ACOXL: variants seen among roughly 807,000 people sequenced by gnomAD.
ACOXL encodes acyl-CoA oxidase like.
Under a neutral mutation model 71.9 loss-of-function variants are expected in ACOXL, and 70 were observed. That is an observed-to-expected ratio of 0.97 (90% CI 0.80 to 1.19). ACOXL has a LOEUF of 1.19. ACOXL is among the 50% of genes most tolerant of loss of function. The probability of loss-of-function intolerance (pLI) is 0.00; values close to 1 mark genes in which losing one functional copy is unlikely to be tolerated. For missense variants in ACOXL, 703 were observed against 736.3 expected (o/e 0.95, Z 0.52); for synonymous variants, 253 against 281.6 (o/e 0.90, Z 1.02).
chr2:110,768,317 C>A, intron 1 of ACOXL, 51 bp from the exon 2 acceptor site: 1 of 1,487,226 alleles, frequency 6.7e-7, no homozygotes, highest in African/African-American at 1.4e-5. Flanking sequence ...TCCACAGCCT[C>A]CCCTCAGTCA....
rs547753104 is a variant in ACOXL, at chr2:110,983,368, A to C, written c.1060-3740A>C. Among the ~76,000 whole-genome samples, 3 of 152,368 alleles carry C rather than the reference A, an allele frequency of 2.0e-5. No homozygotes were observed. In the East Asian group the frequency reaches 5.8e-4, roughly 29 times the overall value. On this transcript the variant is annotated intron_variant, in intron 12 of 17. Transcript: ENST00000439055. ...TGTATATGATATTTATTGCAAATGC[A>C]TGTTGATGATGTCATCATTCTGCAC...
intron 16 of ACOXL, among the ~76,000 whole-genome samples, chr2:111,092,480 TGTA>T (rs2068580238): frequency 6.6e-6 from 1 of 152,240 alleles, no homozygotes; most frequent in Non-Finnish European, 1.5e-5. Context: ...TTATTCAGGA[TGTA>T]CCTTTACAGT....
chr2:110,960,667 T>G (rs1481662345), intron 12 of ACOXL, among the ~76,000 whole-genome samples: 1 of 27,802 alleles, frequency 3.6e-5, no homozygotes. Context: ...TTCTTTTGGG[T>G]TTTTTTTTTT....
intron 9 of ACOXL, among the ~76,000 whole-genome samples, chr2:110,815,959 T>G (rs1687857213): frequency 6.6e-6 from 1 of 152,022 alleles, no homozygotes; most frequent in Admixed American, 6.6e-5. Flanking sequence ...AAGCACTCAG[T>G]GAATGGACAG....
chr2:111,022,453 G>A (rs960195852), intron 14 of ACOXL, among the ~76,000 whole-genome samples: 2 of 141,884 alleles, frequency 1.4e-5, no homozygotes, highest in African/African-American at 3.0e-5. Context: ...ACACACAAAG[G>A]CACACACAAG....
intron 12 of ACOXL, among the ~76,000 whole-genome samples, chr2:110,965,593 C>T (rs755274813): frequency 9.2e-5 from 14 of 152,118 alleles, no homozygotes; most frequent in Admixed American, 1.3e-4. Flanking sequence ...GGAAATTTTT[C>T]GCTGGGCACT....
intron 13 of ACOXL, among the ~76,000 whole-genome samples, chr2:110,988,195 T>G (rs745480340): frequency 4.6e-5 from 7 of 152,234 alleles, no homozygotes; most frequent in Non-Finnish European, 1.0e-4. Flanking sequence ...CCTAGCACTT[T>G]GGGAGGCCAG....
intron 10 of ACOXL, 64 bp from the exon 11 acceptor site, chr2:110,908,725 T>C (rs775970659): frequency 8.0e-5 from 104 of 1,304,748 alleles, no homozygotes; most frequent in Non-Finnish European, 1.1e-4. Flanking sequence ...TTTTTAGCTC[T>C]GGAAATGAAG....
chr2:111,032,302 G>A (rs1041988383), intron 15 of ACOXL, among the ~76,000 whole-genome samples: 2 of 152,172 alleles, frequency 1.3e-5, no homozygotes, highest in Non-Finnish European at 2.9e-5. Context: ...CGCAGTGGGT[G>A]GAGGCCAGGG....
chr2:111,074,413 T>C (rs1558940572), intron 16 of ACOXL, among the ~76,000 whole-genome samples: 2 of 152,122 alleles, frequency 1.3e-5, no homozygotes, highest in African/African-American at 4.8e-5. Context: ...TGTGTATGTG[T>C]GTTTTTCTCT....
intron 14 of ACOXL, among the ~76,000 whole-genome samples, chr2:111,007,283 A>G (rs1296627211): frequency 6.6e-6 from 1 of 152,200 alleles, no homozygotes. Flanking sequence ...TTCACCTATT[A>G]TTTTTAGTAT....
chr2:110,825,353 C>G (rs888499583), intron 9 of ACOXL, among the ~76,000 whole-genome samples: 1 of 152,014 alleles, frequency 6.6e-6, no homozygotes, highest in African/African-American at 2.4e-5. Flanking sequence ...GGAAAGCTAC[C>G]CTGTGCCACT....
intron 14 of ACOXL, among the ~76,000 whole-genome samples, chr2:111,027,297 C>T (rs7599682): frequency 0.2 from 30,418 of 151,146 alleles, 3,905 homozygotes; most frequent in Non-Finnish European, 0.28. Flanking sequence ...GCAAAATTTA[C>T]TATTCTGTTG....
intron 14 of ACOXL, among the ~76,000 whole-genome samples, chr2:111,000,348 C>T (rs1047130248): frequency 6.6e-6 from 1 of 152,106 alleles, no homozygotes; most frequent in Non-Finnish European, 1.5e-5. Flanking sequence ...GTGTTGCCTG[C>T]CTTCTTATTG....
chr2:110,802,424 A>G (rs1015810708), intron 8 of ACOXL, among the ~76,000 whole-genome samples: 2 of 152,274 alleles, frequency 1.3e-5, no homozygotes, highest in African/African-American at 4.8e-5. Flanking sequence ...AGCCATAGTC[A>G]TGTTAAATCT....
At chr2:111,048,936 A>C (rs2066151581) in intron 15 of ACOXL, among the ~76,000 whole-genome samples, 1 of 152,134 alleles carries the variant, frequency 6.6e-6, no homozygotes, top group Admixed American at 6.5e-5. Context: ...GATGACCCAA[A>C]AGGAAGCTGA....
intron 12 of ACOXL, among the ~76,000 whole-genome samples, chr2:110,951,179 C>T (rs1288552878): frequency 6.6e-6 from 1 of 152,036 alleles, no homozygotes; most frequent in Admixed American, 6.5e-5. Flanking sequence ...TAAGACAGTT[C>T]CCAAAAAATA....
At position 110,966,714 on chromosome 2, in the gene ACOXL, C is replaced by T. The variant is rs181312409; in HGVS notation, c.1060-20394C>T. Among the ~76,000 whole-genome samples the T allele has an allele frequency of 9.4e-3, 1,439 of 152,342 alleles. 9 individuals carry two copies. Among genetic ancestry groups the T allele is most frequent in the South Asian group, 0.027 (129 of 4,832 alleles). On this transcript the variant is annotated intron_variant, in intron 12 of 17. Coordinates refer to ENST00000439055, the MANE Select transcript of ACOXL (RefSeq NM_001142807.4). ...AGGAGTCAGTAAGCAGTGGAGCCTT[C>T]ACCTCATCCAGCATCAATGAGGCAC...
At chr2:110,732,931 G>C (rs576296466) in intron 1 of ACOXL, 157 bp downstream of exon 1, 2 of 152,418 alleles carry the variant, frequency 1.3e-5, no homozygotes, top group Non-Finnish European at 2.9e-5. Flanking sequence ...CGCAGGTGAC[G>C]GGCTCCCCTC....
Sources: allele counts gnomAD v4.1 joint callset (sites outside exome capture counted in the v4.1 genomes callset), GRCh38; gene constraint gnomAD v4.1.1; transcripts MANE v1.5; gene names NCBI Gene and HGNC (gene_info 2026-07-23, HGNC 2026-07-21).